ZFC3H1: variants seen among roughly 807,000 people sequenced by gnomAD.
ZFC3H1 encodes the protein zinc finger C3H1 domain-containing protein.
A neutral mutation model predicts 243.7 loss-of-function variants in ZFC3H1; 71 were observed. The observed-to-expected ratio is 0.29, with a 90% CI of 0.24 to 0.36. ZFC3H1 has a LOEUF of 0.36. Among genes scored for constraint, ZFC3H1 ranks in the 10% least tolerant of loss-of-function variants. The pLI is 1.00. For missense variants in ZFC3H1, 1,966 were observed against 2,317.1 expected (o/e 0.85, Z 3.11); for synonymous variants, 838 against 813.0 (o/e 1.03, Z -0.52).
intron 26 of ZFC3H1, 148 bp from the exon 27 acceptor site, chr12:71,619,557 C>T: frequency 3.0e-6 from 2 of 662,110 alleles, no homozygotes; most frequent in East Asian, 2.8e-5. Flanking sequence ...TTGAGACATA[C>T]TCAGAAAACT....
chr12:71,634,349 CTT>C (rs1880406418), intron 11 of ZFC3H1, 45 bp from the exon 12 acceptor site: 1 of 1,574,422 alleles, frequency 6.4e-7, no homozygotes, highest in East Asian at 2.3e-5. Flanking sequence ...CAAGAATAAA[CTT>C]AAACTATTTT....
intron 6 of ZFC3H1, among the ~76,000 whole-genome samples, chr12:71,639,082 T>C (rs2137542742): frequency 6.6e-6 from 1 of 152,350 alleles, no homozygotes; most frequent in East Asian, 1.9e-4. Flanking sequence ...TTGAAATAAT[T>C]ACAATTGATG....
At chr12:71,620,409 A>C (rs982465019) in intron 24 of ZFC3H1, 94 bp from the exon 25 acceptor site, 32 of 1,253,314 alleles carry the variant, frequency 2.6e-5, no homozygotes, top group Non-Finnish European at 3.6e-5. Context: ...CAATGGGAAA[A>C]GATGACCCCT....
intron 24 of ZFC3H1, 152 bp downstream of exon 24, chr12:71,623,208 A>T: frequency 3.1e-6 from 2 of 637,576 alleles, no homozygotes; most frequent in Non-Finnish European, 5.1e-6. Flanking sequence ...TTCAAGACTT[A>T]ATTTGCCTAA....
At chr12:71,650,495 A>G (rs1370365780) in intron 2 of ZFC3H1, among the ~76,000 whole-genome samples, 1 of 152,046 alleles carries the variant, frequency 6.6e-6, no homozygotes, top group Non-Finnish European at 1.5e-5. Flanking sequence ...AATATTACCA[A>G]CTGAAAGTCT....
At position 71,623,439 on chromosome 12, in the gene ZFC3H1, G is replaced by C. The variant is rs1156944140; in HGVS notation, c.4665C>G (p.Asn1555Lys). 1 of 1,613,586 alleles carries C rather than the reference G, an allele frequency of 6.2e-7. No individual in the cohort carries two copies. The highest frequency in any genetic ancestry group is 1.1e-5 in the South Asian group (1 of 91,050). ...GCCATGGCATTACAAATGATTCAGT[G>C]TTAACAATTCTTGAAGGATTATCAT... ...PSNDNPSRIV[N>K]TESFVMPWQA... Residue 1555 changes from asparagine to lysine, a missense_variant, in exon 24 of 35, where the codon AAC becomes AAG. Coordinates refer to ENST00000378743, the MANE Select transcript of ZFC3H1 (RefSeq NM_144982.5).
At chr12:71,620,619 A>G (rs1179704435) in intron 24 of ZFC3H1, among the ~76,000 whole-genome samples, 1 of 152,092 alleles carries the variant, frequency 6.6e-6, no homozygotes, top group African/African-American at 2.4e-5. Flanking sequence ...ATTATCCTAA[A>G]TTCTTTAAAA....
chr12:71,634,610 A>G (rs902112604), intron 11 of ZFC3H1, 94 bp downstream of exon 11: 7 of 1,353,730 alleles, frequency 5.2e-6, no homozygotes, highest in African/African-American at 4.4e-5. Context: ...GGATAAAACT[A>G]TCATCACTCA....
intron 2 of ZFC3H1, among the ~76,000 whole-genome samples, chr12:71,648,420 A>T (rs1880783141): frequency 6.6e-6 from 1 of 152,236 alleles, no homozygotes; most frequent in African/African-American, 2.4e-5. Context: ...ACAGCTTTAA[A>T]CATCACATGA....
rs1880366658 is a variant in ZFC3H1, at chr12:71,633,107, C to T, written c.2686-90G>A. On this transcript the variant is annotated intron_variant, in intron 13 of 34. Coordinates refer to ENST00000378743, the MANE Select transcript of ZFC3H1 (RefSeq NM_144982.5). ...TCAAACACCGTGGCTTTTGAGCATTCAACTGAAAATAAAAATATTCCAATA... is the reference window on the plus strand; with the variant it reads ...TCAAACACCGTGGCTTTTGAGCATTTAACTGAAAATAAAAATATTCCAATA... The T allele has an allele frequency of 2.8e-6, 4 of 1,429,928 alleles. No individual in the cohort carries two copies. In the East Asian group the frequency reaches 9.8e-5, roughly 35 times the overall value. The allele number at this position is 1,429,928 out of a possible 1,614,324, so 88.6% of individuals were successfully genotyped here.
intron 2 of ZFC3H1, among the ~76,000 whole-genome samples, chr12:71,652,709 CTG>C (rs2137558116): frequency 1.3e-5 from 2 of 152,284 alleles, no homozygotes; most frequent in African/African-American, 4.8e-5. Flanking sequence ...TTCTATCCCT[CTG>C]TGTTATACTT....
At chr12:71,614,511 A>C (rs770804018) in intron 30 of ZFC3H1, 24 bp downstream of exon 30, 3 of 1,538,450 alleles carry the variant, frequency 2.0e-6, no homozygotes, top group South Asian at 1.3e-5. Context: ...CAAATATCTA[A>C]AGAAAAAAGT....
intron 20 of ZFC3H1, 118 bp downstream of exon 20, chr12:71,628,800 T>TA (rs202092536): frequency 3.6e-5 from 42 of 1,164,628 alleles, no homozygotes; most frequent in Non-Finnish European, 4.0e-5. Flanking sequence ...GCATCGTTTT[T>TA]AAAAAAAATT....
Position 71,624,402 on chromosome 12 carries a change from G to A in ZFC3H1, c.4318-110C>T, listed in dbSNP as rs1021089759. 6.9e-6 allele frequency: 8 copies of A among 1,153,134 alleles called. No homozygotes were observed. The African/African-American group carries it at 1.2e-4, about 18-fold the overall frequency. 71.4% of individuals were successfully genotyped at this position (1,153,134 alleles called of 1,614,324 possible). A position where few individuals can be genotyped will look rare whatever the true frequency, so the allele number is the denominator to read the frequency against. On this transcript the variant is annotated intron_variant, in intron 22 of 34. Coordinates refer to ENST00000378743, the MANE Select transcript of ZFC3H1 (RefSeq NM_144982.5). ...ATCTCATAGTAAATCTTCAACTTCT[G>A]CAAAAAGGATTACTGTAAAAATGTA...
chr12:71,643,158 T>C (rs1483666528), intron 5 of ZFC3H1, among the ~76,000 whole-genome samples: 2 of 152,218 alleles, frequency 1.3e-5, no homozygotes, highest in Middle Eastern at 3.4e-3. Context: ...TATTTATCTC[T>C]AGAAAAAGAT....
intron 12 of ZFC3H1, among the ~76,000 whole-genome samples, chr12:71,633,755 A>G (rs1015536955): frequency 6.6e-6 from 1 of 152,154 alleles, no homozygotes; most frequent in African/African-American, 2.4e-5. Context: ...CCCTAGTTCA[A>G]GCGATTCTCC....
intron 26 of ZFC3H1, 59 bp from the exon 27 acceptor site, chr12:71,619,468 C>A (rs768082689): frequency 2.7e-6 from 4 of 1,508,486 alleles, no homozygotes; most frequent in East Asian, 2.3e-5. Context: ...ATTAAAATGT[C>A]ACGAGGGAGA....
In ZFC3H1 at chr12:71,630,939, A is replaced by G; in HGVS notation, c.3486T>C (p.Tyr1162=). 6.2e-7 allele frequency: 1 copy of G among 1,611,696 alleles called. No individual in the cohort carries two copies. The highest frequency in any genetic ancestry group is 8.5e-7 in the Non-Finnish European group (1 of 1,178,322). Residue 1162 remains tyrosine (Y), a synonymous_variant, in exon 17 of 35, where the codon TAT becomes TAC. Transcript: ENST00000378743. ...TCAGGGGAAGTTTTTCCTTGGTTCGATAATATGGACTAAATCTAAGGTGAA... is the reference window on the plus strand; with the variant it reads ...TCAGGGGAAGTTTTTCCTTGGTTCGGTAATATGGACTAAATCTAAGGTGAA... ...VFKSYRFSPY[Y]RTKEKLPLSS... is the part of the protein sequence containing the mutation.
chr12:71,617,438 T>G (rs1690644251), intron 27 of ZFC3H1, among the ~76,000 whole-genome samples: 1 of 152,226 alleles, frequency 6.6e-6, no homozygotes, highest in Admixed American at 6.5e-5. Context: ...AAAGATGACT[T>G]AGTAATGAGA....
Sources: allele counts gnomAD v4.1 joint callset (sites outside exome capture counted in the v4.1 genomes callset), GRCh38; gene constraint gnomAD v4.1.1; transcripts MANE v1.5; gene names NCBI Gene and HGNC (gene_info 2026-07-23, HGNC 2026-07-21).